The following PIBF1 variants were observed in gnomAD, a reference collection of about 807,000 sequenced individuals.
PIBF1 encodes the protein progesterone immunomodulatory binding factor 1, also known as progesterone-induced-blocking factor 1.
Under a neutral mutation model 112.5 loss-of-function variants are expected in PIBF1, and 90 were observed. That is an observed-to-expected ratio of 0.80 (90% CI 0.67 to 0.95). PIBF1 has a LOEUF of 0.95. Among genes scored for constraint, PIBF1 ranks in the 40% least tolerant of loss-of-function variants. PIBF1 has a pLI of 0.00. For missense variants in PIBF1, 915 were observed against 852.3 expected, an observed-to-expected ratio of 1.07 and a Z score of -0.92; for synonymous variants, 301 against 288.6, an observed-to-expected ratio of 1.04 and a Z score of -0.44.
chr13:72,865,649 A>G (rs943886636), intron 10 of PIBF1, among the ~76,000 whole-genome samples: 1 of 152,210 alleles, frequency 6.6e-6, no homozygotes, highest in Admixed American at 6.5e-5. Context: ...CATTTTGCAA[A>G]TGAGGAAACA....
chr13:72,952,926 T>C (rs960611323), intron 14 of PIBF1, among the ~76,000 whole-genome samples: 2 of 150,840 alleles, frequency 1.3e-5, no homozygotes, highest in African/African-American at 4.9e-5. Context: ...ATTCACATGG[T>C]TGAACAGTGC....
rs2042709600 is a variant in PIBF1 at position 72,965,258 on chromosome 13, A to G, written c.1834-16A>G. 1 of 1,603,718 alleles carries G rather than the reference A, an allele frequency of 6.2e-7. No homozygotes were observed. The highest frequency in any genetic ancestry group is 8.5e-7 in the Non-Finnish European group (1 of 1,175,976). On this transcript the variant is annotated splice_polypyrimidine_tract_variant and intron_variant, in intron 14 of 17. Coordinates refer to ENST00000326291, the MANE Select transcript of PIBF1 (RefSeq NM_006346.4). ...GTCACATTTTCTAGATTTTAATGAA[A>G]CCTGTGTTTCTTTAGCTTGACAGAG...
chr13:72,950,244 G>A (rs919916304), intron 14 of PIBF1, among the ~76,000 whole-genome samples: 4 of 152,114 alleles, frequency 2.6e-5, no homozygotes, highest in Non-Finnish European at 5.9e-5. Context: ...TTATAATACA[G>A]CTATATGGCT....
At chr13:72,969,999 T>G (rs1389195157) in intron 15 of PIBF1, among the ~76,000 whole-genome samples, 2 of 152,212 alleles carry the variant, frequency 1.3e-5, no homozygotes, top group Non-Finnish European at 2.9e-5. Context: ...GGTGTTGATG[T>G]TAGTTGTAAA....
chr13:72,903,269 C>T (rs2138627725), intron 11 of PIBF1, among the ~76,000 whole-genome samples: 1 of 152,092 alleles, frequency 6.6e-6, no homozygotes, highest in South Asian at 2.1e-4. Flanking sequence ...CTTCATTCTC[C>T]CCCCCTAGAC....
chr13:72,869,999 A>C (rs1228669081), intron 10 of PIBF1, among the ~76,000 whole-genome samples: 1 of 152,172 alleles, frequency 6.6e-6, no homozygotes, highest in Non-Finnish European at 1.5e-5. Context: ...AAAAATTATA[A>C]TTTAATTGTA....
intron 14 of PIBF1, among the ~76,000 whole-genome samples, chr13:72,938,648 G>C (rs541506668): frequency 4.6e-5 from 7 of 152,168 alleles, no homozygotes; most frequent in African/African-American, 1.7e-4. Flanking sequence ...AACATTTCAT[G>C]TTCAAATTTT....
At chr13:72,904,954 A>G (rs1402347779) in intron 11 of PIBF1, among the ~76,000 whole-genome samples, 1 of 151,568 alleles carries the variant, frequency 6.6e-6, no homozygotes, top group African/African-American at 2.4e-5. Flanking sequence ...TTAATGTTTT[A>G]TTTCTACTTT....
At chr13:72,947,908 A>G (rs964567105) in intron 14 of PIBF1, among the ~76,000 whole-genome samples, 1 of 152,260 alleles carries the variant, frequency 6.6e-6, no homozygotes, top group Non-Finnish European at 1.5e-5. Flanking sequence ...GTAGCCATAA[A>G]AAAGTTCATG....
Position 72,892,975 on chromosome 13 carries a change from T to C in PIBF1, c.1323-809T>C, listed in dbSNP as rs147428160. On this transcript the variant is annotated intron_variant, in intron 10 of 17. Transcript: ENST00000326291. ...AGTTCTTTTAAAAAACAATATTTTATCTACCAATGTATACACCTTACCTAG... is the reference window on the plus strand; with the variant it reads ...AGTTCTTTTAAAAAACAATATTTTACCTACCAATGTATACACCTTACCTAG... Among the ~76,000 whole-genome samples the C allele has an allele frequency of 7.6e-3, 1,153 of 152,290 alleles. 14 individuals are homozygous for C. The highest frequency in any genetic ancestry group is 0.014 in the Middle Eastern group (4 of 294).
intron 5 of PIBF1, among the ~76,000 whole-genome samples, chr13:72,806,268 A>T (rs2035724171): frequency 6.6e-6 from 1 of 151,904 alleles, no homozygotes; most frequent in Non-Finnish European, 1.5e-5. Flanking sequence ...ATTAGTTTAG[A>T]TTCGTCATAT....
rs144509586 is a variant in PIBF1, at chr13:73,002,749, C to T, written c.2223+3754C>T. ...CTGTAATCCCAGCACTTTGAGAGGC[C>T]GAGGCAGACGGATCACCTGAGGTAA... On this transcript the variant is annotated intron_variant, in intron 17 of 17. Coordinates refer to ENST00000326291, the MANE Select transcript of PIBF1 (RefSeq NM_006346.4). Among the ~76,000 whole-genome samples, 948 of 152,032 alleles carry T rather than the reference C, an allele frequency of 6.2e-3. 15 individuals are homozygous for T. The highest frequency in any genetic ancestry group is 0.021 in the African/African-American group (857 of 41,464).
At chr13:72,836,796 A>C (rs944650425) in intron 9 of PIBF1, among the ~76,000 whole-genome samples, 1 of 152,152 alleles carries the variant, frequency 6.6e-6, no homozygotes, top group Non-Finnish European at 1.5e-5. Flanking sequence ...AATGACTCTC[A>C]TGAAAATCAG....
At chr13:72,812,102 A>G (rs2036051023) in intron 5 of PIBF1, among the ~76,000 whole-genome samples, 3 of 152,096 alleles carry the variant, frequency 2.0e-5, no homozygotes, top group Admixed American at 2.0e-4. Flanking sequence ...GGCCAAAAGG[A>G]TGTATCACTA....
intron 10 of PIBF1, among the ~76,000 whole-genome samples, chr13:72,885,236 C>A (rs1430691122): frequency 6.6e-6 from 1 of 152,062 alleles, no homozygotes; most frequent in Non-Finnish European, 1.5e-5. Context: ...TTTGGACATA[C>A]CTAACCTATA....
intron 10 of PIBF1, among the ~76,000 whole-genome samples, chr13:72,875,263 A>T (rs2039347494): frequency 6.6e-6 from 1 of 152,110 alleles, no homozygotes; most frequent in Admixed American, 6.6e-5. Context: ...GCTGAATAGT[A>T]TTCTATTGCT....
intron 17 of PIBF1, 51 bp from the exon 18 acceptor site, chr13:73,015,816 CTT>C (rs2044366267): frequency 3.5e-6 from 4 of 1,144,360 alleles, no homozygotes; most frequent in Non-Finnish European, 5.0e-6. Context: ...AGTTGCCTCT[CTT>C]GTCCTCCTTG....
intron 10 of PIBF1, among the ~76,000 whole-genome samples, chr13:72,883,582 G>T (rs1178190805): frequency 6.6e-6 from 1 of 152,140 alleles, no homozygotes; most frequent in Non-Finnish European, 1.5e-5. Context: ...CCGCCTCCCA[G>T]GTTCAAGTGA....
chr13:72,870,870 T>G (rs1371672708), intron 10 of PIBF1, among the ~76,000 whole-genome samples: 1 of 150,430 alleles, frequency 6.6e-6, no homozygotes, highest in Non-Finnish European at 1.5e-5. Flanking sequence ...TGATTCAGAG[T>G]GTACAAGTAG....
Sources: gnomAD v4.1 joint callset for allele counts (sites outside exome capture counted in the v4.1 genomes callset) on GRCh38, gnomAD v4.1.1 for gene constraint, MANE v1.5 for transcripts, NCBI Gene and HGNC (gene_info 2026-07-23, HGNC 2026-07-21) for gene names.